Variants in EBF1 observed in about 807,000 individuals in gnomAD.
The protein encoded by EBF1 is transcription factor COE1.
Under a neutral mutation model 68.4 loss-of-function variants are expected in EBF1, and 10 were observed. That is an observed-to-expected ratio of 0.15 (90% CI 0.09 to 0.25). EBF1 has a LOEUF of 0.25. Ranked by LOEUF, EBF1 falls within the 10% of genes least tolerant of loss-of-function variation. The pLI, the probability that EBF1 is intolerant of heterozygous loss-of-function variation, is 1.00. For missense variants in EBF1, 509 were observed against 794.4 expected (o/e 0.64, Z 4.32); for synonymous variants, 298 against 299.8 (o/e 0.99, Z 0.06).
At chr5:158,962,031 A>G (rs1023406510) in intron 6 of EBF1, among the ~76,000 whole-genome samples, 1 of 152,188 alleles carries the variant, frequency 6.6e-6, no homozygotes, top group African/African-American at 2.4e-5. Flanking sequence ...CCGATCAACC[A>G]TCTTTCCATA....
At chr5:158,854,030 T>C (rs1336081838) in intron 6 of EBF1, among the ~76,000 whole-genome samples, 1 of 152,126 alleles carries the variant, frequency 6.6e-6, no homozygotes, top group Non-Finnish European at 1.5e-5. Context: ...GCAATATGGG[T>C]ACAGTGTTGT....
At chr5:159,017,266 C>T (rs36071027) in intron 6 of EBF1, among the ~76,000 whole-genome samples, 44,404 of 152,146 alleles carry the variant, frequency 0.29, 7,057 homozygotes, top group Non-Finnish European at 0.35. Context: ...AACTCACAGA[C>T]TAATTTTGTT....
intron 6 of EBF1, among the ~76,000 whole-genome samples, chr5:158,989,152 T>C (rs147443398): frequency 9.8e-4 from 149 of 152,270 alleles, no homozygotes; most frequent in African/African-American, 3.2e-3. Flanking sequence ...CAACACCTAA[T>C]TGAGCGACAA....
At chr5:158,741,367 G>C (rs1327286912) in intron 10 of EBF1, among the ~76,000 whole-genome samples, 1 of 152,102 alleles carries the variant, frequency 6.6e-6, no homozygotes, top group Non-Finnish European at 1.5e-5. Context: ...TGCAGCCCAA[G>C]AGTTTGAAAC....
At chr5:158,830,171 T>TA (rs1259968928) in intron 7 of EBF1, among the ~76,000 whole-genome samples, 1 of 152,078 alleles carries the variant, frequency 6.6e-6, no homozygotes, top group Non-Finnish European at 1.5e-5. Context: ...CCCAGGAGTT[T>TA]AAAAAAACAA....
intron 6 of EBF1, among the ~76,000 whole-genome samples, chr5:158,930,092 G>A (rs923286485): frequency 6.6e-6 from 1 of 152,006 alleles, no homozygotes; most frequent in Non-Finnish European, 1.5e-5. Context: ...CCTCGTAATA[G>A]ATAAAATTCA....
chr5:159,050,560 C>T, intron 6 of EBF1, among the ~76,000 whole-genome samples: 1 of 152,166 alleles, frequency 6.6e-6, no homozygotes, highest in East Asian at 1.9e-4. Context: ...TCCCCTGGGC[C>T]CCTGAGTCTC....
chr5:158,775,441 T>G (rs1774924949), intron 10 of EBF1, among the ~76,000 whole-genome samples: 1 of 152,070 alleles, frequency 6.6e-6, no homozygotes, highest in Non-Finnish European at 1.5e-5. Context: ...GCGGAAACCA[T>G]GCCTGATTGC....
chr5:158,754,580 A>T (rs913382369), intron 10 of EBF1, among the ~76,000 whole-genome samples: 15 of 152,290 alleles, frequency 9.8e-5, no homozygotes, highest in Middle Eastern at 3.4e-3. Context: ...AGTATTCTTC[A>T]TTCATTCATT....
intron 10 of EBF1, among the ~76,000 whole-genome samples, chr5:158,770,292 C>G (rs1773612499): frequency 6.6e-6 from 1 of 152,062 alleles, no homozygotes; most frequent in South Asian, 2.1e-4. Context: ...TCCTCTCACT[C>G]CATTCCATCT....
chr5:158,908,744 C>T (rs1805213397), intron 6 of EBF1, among the ~76,000 whole-genome samples: 5 of 152,226 alleles, frequency 3.3e-5, no homozygotes, highest in Admixed American at 3.3e-4. Flanking sequence ...CCAACTGGAG[C>T]CAGGAAGAGG....
chr5:158,969,532 G>A (rs1754899605), intron 6 of EBF1, among the ~76,000 whole-genome samples: 2 of 151,054 alleles, frequency 1.3e-5, no homozygotes, highest in South Asian at 4.2e-4. Context: ...GGGAGGCCGA[G>A]GCAGGAGGAT....
chr5:158,774,526 T>G (rs1467994060), intron 10 of EBF1, among the ~76,000 whole-genome samples: 1 of 152,038 alleles, frequency 6.6e-6, no homozygotes, highest in East Asian at 1.9e-4. Context: ...ATAAGAGGGT[T>G]AGCTCACCCA....
rs141883287 is a variant in EBF1, at chr5:158,926,493, A to T, written c.555-86383T>A. On this transcript the variant is annotated intron_variant, in intron 6 of 15. Transcript: ENST00000313708. ...GTAATCCCAGCACTTTGGGAGGCCA[A>T]AGTGGGTGGATCACAAGGTCAGGAG... 4.5e-3 allele frequency among the ~76,000 whole-genome samples: 688 copies of T among 152,246 alleles called. 4 individuals carry two copies. The highest frequency in any genetic ancestry group is 0.015 in the African/African-American group (634 of 41,540).
intron 6 of EBF1, among the ~76,000 whole-genome samples, chr5:158,891,892 T>C (rs989836900): frequency 6.6e-6 from 1 of 152,152 alleles, no homozygotes; most frequent in Non-Finnish European, 1.5e-5. Context: ...ATATTGTCTT[T>C]ATTTTTAAAA....
intron 6 of EBF1, among the ~76,000 whole-genome samples, chr5:158,905,376 A>C (rs1464353324): frequency 3.3e-5 from 5 of 152,044 alleles, no homozygotes; most frequent in Admixed American, 6.5e-5. Flanking sequence ...AGGGCCTTGC[A>C]CTCTCTTGAT....
At chr5:158,706,224 G>C (rs1233877326) in intron 15 of EBF1, among the ~76,000 whole-genome samples, 1 of 150,420 alleles carries the variant, frequency 6.6e-6, no homozygotes, top group Admixed American at 6.6e-5. Flanking sequence ...CCTCTAAGAA[G>C]ATGGATTTGC....
chr5:158,962,834 G>T (rs181933084), intron 6 of EBF1, among the ~76,000 whole-genome samples: 5 of 152,098 alleles, frequency 3.3e-5, no homozygotes, highest in African/African-American at 1.2e-4. Context: ...TTATCAGATC[G>T]TGGGTAAGTT....
Position 158,917,679 on chromosome 5 carries a change from C to T in EBF1, c.555-77569G>A, listed in dbSNP as rs571445455. Among the ~76,000 whole-genome samples the T allele has an allele frequency of 1.3e-4, 20 of 149,576 alleles. No homozygotes were observed. The South Asian group carries it at 4.1e-3, about 31-fold the overall frequency. Reference sequence around the variant, plus strand: ...ATTTAGCTAAGAAACAGTGAATAGACTTCTTCTATTATAAAGACAAATATG... The same window carrying T: ...ATTTAGCTAAGAAACAGTGAATAGATTTCTTCTATTATAAAGACAAATATG... On this transcript the variant is annotated intron_variant, in intron 6 of 15. Coordinates refer to ENST00000313708, the MANE Select transcript of EBF1 (RefSeq NM_024007.5).
Sources: allele counts gnomAD v4.1 joint callset (sites outside exome capture counted in the v4.1 genomes callset), GRCh38; gene constraint gnomAD v4.1.1; transcripts MANE v1.5; gene names NCBI Gene and HGNC (gene_info 2026-07-23, HGNC 2026-07-21).